Variants in ZFHX4 observed in about 807,000 individuals in gnomAD.
ZFHX4 encodes the protein zinc finger homeobox 4.
ZFHX4 carries 56 observed loss-of-function variants against 267.6 expected under a neutral mutation model. The ratio of observed to expected loss-of-function variants is 0.21; its 90% CI spans 0.17 to 0.26. ZFHX4 has a LOEUF of 0.26. ZFHX4 is among the 10% of genes least tolerant of loss of function. The pLI is 1.00. For synonymous variants in ZFHX4, 1,778 were observed against 1,665.6 expected (o/e 1.07, Z -1.64); for missense variants, 4,332 against 4,420.0 (o/e 0.98, Z 0.56).
chr8:76,687,287 C>T (rs1034452873), intron 1 of ZFHX4, among the ~76,000 whole-genome samples: 2 of 152,152 alleles, frequency 1.3e-5, no homozygotes, highest in African/African-American at 2.4e-5. Flanking sequence ...AAAAAGAAAG[C>T]GTTGTTTGCC....
intron 3 of ZFHX4, among the ~76,000 whole-genome samples, chr8:76,776,273 GAAAA>G (rs143652714): frequency 6.7e-6 from 1 of 150,132 alleles, no homozygotes; most frequent in African/African-American, 2.4e-5. Flanking sequence ...ATTTACATGA[GAAAA>G]AAAAAGGGAG....
chr8:76,694,284 T>A (rs1448914238), intron 1 of ZFHX4, among the ~76,000 whole-genome samples: 2 of 152,222 alleles, frequency 1.3e-5, no homozygotes, highest in Non-Finnish European at 2.9e-5. Flanking sequence ...GGAAGGAAAC[T>A]ATTGCCTCTT....
intron 3 of ZFHX4, among the ~76,000 whole-genome samples, chr8:76,730,745 G>C (rs1039254890): frequency 2.6e-5 from 4 of 152,000 alleles, no homozygotes; most frequent in African/African-American, 9.7e-5. Flanking sequence ...AGGTGCCCTG[G>C]GGTATGCAAA....
intron 4 of ZFHX4, among the ~76,000 whole-genome samples, chr8:76,786,723 GA>G (rs1377379907): frequency 6.6e-6 from 1 of 152,058 alleles, no homozygotes; most frequent in Non-Finnish European, 1.5e-5. Flanking sequence ...AAGCAAACAA[GA>G]AAAAAGCCCT....
intron 3 of ZFHX4, among the ~76,000 whole-genome samples, chr8:76,738,544 C>G (rs1279432714): frequency 6.6e-6 from 1 of 152,090 alleles, no homozygotes. Flanking sequence ...ATCCATATTT[C>G]TTGTATAAAG....
chr8:76,709,907 T>A (rs1808380570), intron 3 of ZFHX4, among the ~76,000 whole-genome samples: 1 of 151,840 alleles, frequency 6.6e-6, no homozygotes, highest in Admixed American at 6.6e-5. Flanking sequence ...GGTGCCACAG[T>A]TACCCTTGAA....
Position 76,853,065 on chromosome 8 carries a change from T to A in ZFHX4, c.6144T>A (p.Pro2048=), listed in dbSNP as rs1298994892. The change falls in exon 10 of 11, where the codon CCT becomes CCA. Residue 2048 remains proline (P), a synonymous_variant. Transcript: ENST00000651372. ...CCACTCCTCCCCCACCACCACCACCTCCTCCTCCTCCTCCTCCTCCCCCCC... is the reference window on the plus strand; with the variant it reads ...CCACTCCTCCCCCACCACCACCACCACCTCCTCCTCCTCCTCCTCCCCCCC... The part of the protein sequence containing the change: ...PPPTPPPPPP[P]PPPPPPPPPP... 3.9e-4 allele frequency: 81 copies of A among 206,722 alleles called. No homozygotes were observed. The East Asian group carries it at 4.8e-3, about 12-fold the overall frequency. The allele number at this position is 206,722 out of a possible 1,614,324, so 12.8% of individuals were successfully genotyped here. A position where few individuals can be genotyped will look rare whatever the true frequency, so the allele number is the denominator to read the frequency against.
intron 6 of ZFHX4, among the ~76,000 whole-genome samples, chr8:76,843,518 T>C (rs1812290227): frequency 6.6e-6 from 1 of 152,150 alleles, no homozygotes; most frequent in African/African-American, 2.4e-5. Flanking sequence ...GCTTTTTCTG[T>C]GTTTGATTTG....
intron 3 of ZFHX4, among the ~76,000 whole-genome samples, chr8:76,752,499 A>G (rs570900649): frequency 3.3e-5 from 5 of 150,490 alleles, no homozygotes; most frequent in Admixed American, 1.3e-4. Flanking sequence ...AAAAAAAAAA[A>G]AAAAAAAAAA....
intron 4 of ZFHX4, among the ~76,000 whole-genome samples, chr8:76,796,760 AAG>A (rs1810989422): frequency 6.6e-6 from 1 of 152,134 alleles, no homozygotes; most frequent in African/African-American, 2.4e-5. Flanking sequence ...TTTTTTGAAA[AAG>A]AGTTATTGTC....
At chr8:76,740,461 C>G (rs568746101) in intron 3 of ZFHX4, among the ~76,000 whole-genome samples, 5 of 151,450 alleles carry the variant, frequency 3.3e-5, no homozygotes, top group African/African-American at 1.2e-4. Flanking sequence ...ACTCATGTAA[C>G]CAAATACAAT....
chr8:76,767,231 T>C (rs763782769), intron 3 of ZFHX4, among the ~76,000 whole-genome samples: 4 of 152,096 alleles, frequency 2.6e-5, no homozygotes, highest in Non-Finnish European at 5.9e-5. Context: ...AAAATAGAGA[T>C]TGAGATAGGT....
At chr8:76,776,490 G>A (rs1223911712) in intron 3 of ZFHX4, among the ~76,000 whole-genome samples, 1 of 152,084 alleles carries the variant, frequency 6.6e-6, no homozygotes, top group Non-Finnish European at 1.5e-5. Context: ...TGGTGTGTTT[G>A]AAAGGCACAG....
intron 4 of ZFHX4, among the ~76,000 whole-genome samples, chr8:76,785,688 A>G (rs771512851): frequency 1.5e-4 from 23 of 152,196 alleles, no homozygotes; most frequent in Non-Finnish European, 3.1e-4. Flanking sequence ...TTTATTTGAA[A>G]TACAAAGACC....
chr8:76,794,485 T>C (rs1810919766), intron 4 of ZFHX4, among the ~76,000 whole-genome samples: 1 of 152,172 alleles, frequency 6.6e-6, no homozygotes, highest in South Asian at 2.1e-4. Context: ...TTTTGCTCTG[T>C]GGCAACATAT....
At chr8:76,713,424 G>T (rs573328363) in intron 3 of ZFHX4, among the ~76,000 whole-genome samples, 1 of 152,154 alleles carries the variant, frequency 6.6e-6, no homozygotes, top group Non-Finnish European at 1.5e-5. Flanking sequence ...TTTATTGTGT[G>T]AAATTGTTAT....
chr8:76,770,741 A>G (rs1335060438), intron 3 of ZFHX4, among the ~76,000 whole-genome samples: 3 of 152,150 alleles, frequency 2.0e-5, no homozygotes, highest in Non-Finnish European at 4.4e-5. Flanking sequence ...AAGTGGAAAA[A>G]CTTTGATTTT....
chr8:76,854,111 C>A lies in ZFHX4; in HGVS notation c.7190C>A (p.Pro2397Gln), dbSNP rs1440833686. Residue 2397 changes from proline (P) to glutamine (Q), a missense_variant, in exon 10 of 11, where the codon CCA (proline) becomes CAA (glutamine). Transcript: ENST00000651372. ...TSTPLIPSPK[P>Q]EPEKTSPKPE... ...ACCCCCCTGATTCCATCACCCAAAC[C>A]AGAACCTGAGAAGACTTCTCCAAAA... is the stretch of plus-strand genomic sequence containing the variant. 1 of 1,613,680 alleles carries A rather than the reference C, an allele frequency of 6.2e-7. No individual in the cohort carries two copies. Among genetic ancestry groups the A allele is most frequent in the East Asian group, 2.2e-5 (1 of 44,834 alleles).
At chr8:76,773,660 A>G (rs571487080) in intron 3 of ZFHX4, among the ~76,000 whole-genome samples, 2 of 152,252 alleles carry the variant, frequency 1.3e-5, no homozygotes, top group South Asian at 2.1e-4. Flanking sequence ...TTTCACTTTA[A>G]TATTTGCTTT....
Sources: allele counts gnomAD v4.1 joint callset (sites outside exome capture counted in the v4.1 genomes callset), GRCh38; gene constraint gnomAD v4.1.1; transcripts MANE v1.5; gene names NCBI Gene and HGNC (gene_info 2026-07-23, HGNC 2026-07-21).